PSMB7: variants seen among roughly 807,000 people sequenced by gnomAD.
PSMB7 encodes the protein proteasome subunit beta type-7.
In PSMB7, 5 loss-of-function variants were observed where a neutral mutation model predicts 28.1. The observed-to-expected ratio is 0.18, with a 90% CI of 0.09 to 0.37. The LOEUF is 0.37. PSMB7 is among the 10% of genes least tolerant of loss of function. PSMB7 has a pLI of 1.00. For missense variants in PSMB7, 275 were observed against 346.2 expected, an observed-to-expected ratio of 0.79 and a Z score of 1.63; for synonymous variants, 122 against 123.7, an observed-to-expected ratio of 0.99 and a Z score of 0.09.
intron 4 of PSMB7, among the ~76,000 whole-genome samples, chr9:124,407,162 C>T (rs916235463): frequency 6.6e-6 from 1 of 152,092 alleles, no homozygotes; most frequent in Admixed American, 6.5e-5. Flanking sequence ...ATTTGCCAAA[C>T]GATGTAATCA....
intron 5 of PSMB7, 82 bp downstream of exon 5, chr9:124,405,235 T>C (rs1359583437): frequency 7.4e-6 from 7 of 946,670 alleles, no homozygotes; most frequent in Admixed American, 2.1e-5. Flanking sequence ...CCTCCTCTTC[T>C]AAGAGAAAAC....
At position 124,402,169 on chromosome 9, in the gene PSMB7, G is replaced by A. The variant is rs1031500399; in HGVS notation, c.511+3148C>T. Among the ~76,000 whole-genome samples, 12 of 152,068 alleles carry A rather than the reference G, an allele frequency of 7.9e-5. No individual in the cohort carries two copies. The East Asian group carries it at 9.6e-4, about 12-fold the overall frequency. ...CAAAACCAGTCTGTGTGGAGTCAGT[G>A]GTTTCTAAATAGAATTATTCTATAA... is the stretch of plus-strand genomic sequence containing the variant. On this transcript the variant is annotated intron_variant, in intron 5 of 7. Transcript: ENST00000259457.
intron 4 of PSMB7, among the ~76,000 whole-genome samples, chr9:124,407,803 G>A (rs1418307596): frequency 1.3e-5 from 2 of 152,138 alleles, no homozygotes; most frequent in Non-Finnish European, 2.9e-5. Context: ...CAGCCAGGGA[G>A]AAATGGCTAA....
chr9:124,388,892 C>T (rs1830755010), intron 5 of PSMB7, among the ~76,000 whole-genome samples: 1 of 152,202 alleles, frequency 6.6e-6, no homozygotes, highest in Non-Finnish European at 1.5e-5. Flanking sequence ...GGGTTTATCA[C>T]TCTCATCTCT....
chr9:124,400,327 C>G (rs1421832532), intron 5 of PSMB7, among the ~76,000 whole-genome samples: 1 of 152,258 alleles, frequency 6.6e-6, no homozygotes, highest in Non-Finnish European at 1.5e-5. Flanking sequence ...TGGTGGGAGA[C>G]AAGCGTCCTT....
chr9:124,390,629 T>C (rs1830774400), intron 5 of PSMB7, among the ~76,000 whole-genome samples: 1 of 152,182 alleles, frequency 6.6e-6, no homozygotes, highest in Admixed American at 6.5e-5. Flanking sequence ...CTATATATTA[T>C]ACAAACCTGG....
chr9:124,410,932 G>A (rs562445999), intron 4 of PSMB7, among the ~76,000 whole-genome samples: 4 of 152,140 alleles, frequency 2.6e-5, no homozygotes, highest in African/African-American at 9.6e-5. Flanking sequence ...GAAGATTACG[G>A]CCACATGTTT....
chr9:124,376,368 G>A (rs1005110492), intron 6 of PSMB7, among the ~76,000 whole-genome samples: 2 of 151,776 alleles, frequency 1.3e-5, no homozygotes, highest in Non-Finnish European at 2.9e-5. Flanking sequence ...AAGCTATTTA[G>A]GGTGGAGGGC....
At chr9:124,384,328 C>A (rs1410187459) in intron 6 of PSMB7, 2 of 388,894 alleles carry the variant, frequency 5.1e-6, no homozygotes, top group Non-Finnish European at 9.1e-6. Flanking sequence ...ACGTTACCAC[C>A]GCATTTACAG....
intron 6 of PSMB7, among the ~76,000 whole-genome samples, chr9:124,379,450 A>G (rs182628846): frequency 6.6e-6 from 1 of 152,300 alleles, no homozygotes; most frequent in Non-Finnish European, 1.5e-5. Context: ...GGAACAAACA[A>G]AAAAATGAAA....
chr9:124,363,495 T>C (rs1830481190), intron 6 of PSMB7, among the ~76,000 whole-genome samples: 2 of 152,210 alleles, frequency 1.3e-5, no homozygotes, highest in South Asian at 4.1e-4. Context: ...ACTTTTTTTT[T>C]CCGGACTGGG....
chr9:124,395,322 C>CA (rs1564683296), intron 5 of PSMB7, among the ~76,000 whole-genome samples: 5 of 150,566 alleles, frequency 3.3e-5, no homozygotes, highest in South Asian at 4.2e-4. Flanking sequence ...CCGTCTCTAC[C>CA]AAAAAAAGAA....
At chr9:124,367,663 C>A (rs1170091807) in intron 6 of PSMB7, among the ~76,000 whole-genome samples, 1 of 152,112 alleles carries the variant, frequency 6.6e-6, no homozygotes, top group East Asian at 1.9e-4. Context: ...AGCGGTGTGA[C>A]CTCAGTGATA....
At chr9:124,361,183 C>A (rs1830462709) in intron 6 of PSMB7, among the ~76,000 whole-genome samples, 4 of 152,332 alleles carry the variant, frequency 2.6e-5, no homozygotes, top group Non-Finnish European at 4.4e-5. Context: ...TCCCCCGGGC[C>A]ACCCCTGCTT....
At chr9:124,410,105 G>T (rs866720218) in intron 4 of PSMB7, among the ~76,000 whole-genome samples, 1 of 151,594 alleles carries the variant, frequency 6.6e-6, no homozygotes, top group Non-Finnish European at 1.5e-5. Flanking sequence ...CACCTCCCGG[G>T]TTCATGCCAT....
chr9:124,410,156 G>A (rs1053969063), intron 4 of PSMB7, among the ~76,000 whole-genome samples: 2 of 151,720 alleles, frequency 1.3e-5, no homozygotes, highest in South Asian at 2.1e-4. Flanking sequence ...CACCACGCCC[G>A]GCTAATTTTT....
intron 5 of PSMB7, among the ~76,000 whole-genome samples, chr9:124,391,323 T>C (rs927558443): frequency 2.0e-5 from 3 of 152,250 alleles, no homozygotes; most frequent in Non-Finnish European, 2.9e-5. Flanking sequence ...TGCGATGTTC[T>C]TTCCATTCCA....
In PSMB7 at chr9:124,378,472, T is replaced by C. The variant is rs370684168; in HGVS notation, c.570+6126A>G. Among the ~76,000 whole-genome samples, 29 of 152,328 alleles carry C rather than the reference T, an allele frequency of 1.9e-4. No individual in the cohort carries two copies. In the East Asian group the frequency reaches 3.9e-3, roughly 20 times the overall value. ...TTCCAGATGCTAATTTGCAAGTCGA[T>C]ACCAGAGGGTGCAGGACAGTTTGCC... On this transcript the variant is annotated intron_variant, in intron 6 of 7. Transcript: ENST00000259457.
At position 124,353,602 on chromosome 9, in the gene PSMB7, G is replaced by A. The variant is rs140568632; in HGVS notation, c.830C>T (p.Ser277Phe). The A allele has an allele frequency of 3.1e-6, 5 of 1,609,532 alleles. No homozygotes were observed. Among genetic ancestry groups the A allele is most frequent in the Non-Finnish European group, 4.3e-6 (5 of 1,176,094 alleles). The change falls in exon 8 of 8, where the codon TCC becomes TTC. Residue 277 changes from serine to phenylalanine, a missense_variant. Ser to Phe is a radical substitution (Grantham distance 155). Coordinates refer to ENST00000259457, the MANE Select transcript of PSMB7 (RefSeq NM_002799.4). ...CCAGCCACCCACTGATGCCATTCAG[G>A]AAGTGTCCATTGTTTGGACTGTTTC... ...LEETVQTMDT[S>F]
Sources: gnomAD v4.1 joint callset for allele counts (sites outside exome capture counted in the v4.1 genomes callset) on GRCh38, gnomAD v4.1.1 for gene constraint, MANE v1.5 for transcripts, NCBI Gene and HGNC (gene_info 2026-07-23, HGNC 2026-07-21) for gene names.